Variants in METTL16 observed in about 807,000 individuals in gnomAD.
METTL16 encodes the protein methyltransferase 16, RNA N6-adenosine.
A neutral mutation model predicts 57.9 loss-of-function variants in METTL16; 19 were observed. The ratio of observed to expected loss-of-function variants is 0.33; its 90% confidence interval spans 0.23 to 0.48. The LOEUF (loss-of-function observed/expected upper bound fraction) is 0.48. Among genes scored for constraint, METTL16 ranks in the 20% least tolerant of loss-of-function variants. The probability of loss-of-function intolerance (pLI) is 0.99; values close to 1 mark genes in which losing one functional copy is unlikely to be tolerated. For synonymous variants in METTL16, 246 were observed against 255.6 expected (o/e 0.96, Z 0.36); for missense variants, 434 against 691.5 (o/e 0.63, Z 4.18).
At chr17:2,425,551 AAG>A (rs1186701081) in intron 8 of METTL16, among the ~76,000 whole-genome samples, 1 of 152,234 alleles carries the variant, frequency 6.6e-6, no homozygotes, top group African/African-American at 2.4e-5. Context: ...GATCATCAAT[AAG>A]AGAGGAACTG....
chr17:2,463,268 A>G (rs1455770755), intron 6 of METTL16, among the ~76,000 whole-genome samples: 3 of 152,192 alleles, frequency 2.0e-5, no homozygotes, highest in African/African-American at 7.2e-5. Flanking sequence ...ATCAAAAGCC[A>G]TATTTGAATC....
chr17:2,445,377 G>A (rs1274317832), intron 6 of METTL16, among the ~76,000 whole-genome samples: 2 of 152,076 alleles, frequency 1.3e-5, no homozygotes, highest in East Asian at 3.8e-4. Context: ...ACCTAATGAT[G>A]CATTTCTCAG....
intron 6 of METTL16, among the ~76,000 whole-genome samples, chr17:2,448,250 C>T (rs1281196133): frequency 3.2e-3 from 360 of 114,076 alleles, no homozygotes; most frequent in East Asian, 4.6e-3. Context: ...GTGTGCCCAG[C>T]GGCTCATTGG....
intron 7 of METTL16, among the ~76,000 whole-genome samples, chr17:2,438,717 C>G (rs1283874546): frequency 1.3e-5 from 2 of 152,190 alleles, no homozygotes; most frequent in Non-Finnish European, 2.9e-5. Flanking sequence ...TGGTCTCAAA[C>G]TCCTGACCTC....
intron 4 of METTL16, among the ~76,000 whole-genome samples, chr17:2,472,484 G>A (rs567352829): frequency 6.6e-6 from 1 of 152,254 alleles, no homozygotes; most frequent in South Asian, 2.1e-4. Flanking sequence ...AGAAAAAGCT[G>A]CGCACAGATG....
intron 1 of METTL16, among the ~76,000 whole-genome samples, 192 bp from the exon 2 acceptor site, chr17:2,502,523 T>C (rs1411419600): frequency 6.6e-6 from 1 of 151,892 alleles, no homozygotes; most frequent in Non-Finnish European, 1.5e-5. Flanking sequence ...CTACTAAAAA[T>C]ACAAAAAGTA....
intron 2 of METTL16, among the ~76,000 whole-genome samples, chr17:2,489,276 C>A (rs562296501): frequency 2.0e-5 from 3 of 152,144 alleles, no homozygotes; most frequent in Admixed American, 2.0e-4. Flanking sequence ...AAATGCCATT[C>A]CTATGCTAAC....
At chr17:2,432,488 G>A (rs1162781242) in intron 8 of METTL16, among the ~76,000 whole-genome samples, 4 of 152,054 alleles carry the variant, frequency 2.6e-5, no homozygotes, top group African/African-American at 9.7e-5. Context: ...AGGATCACAC[G>A]AGCCTGGGAG....
intron 2 of METTL16, among the ~76,000 whole-genome samples, chr17:2,478,621 A>C (rs2067283294): frequency 6.6e-6 from 1 of 152,136 alleles, no homozygotes; most frequent in Non-Finnish European, 1.5e-5. Context: ...AAAAAGCAGA[A>C]CTCATGACCA....
At chr17:2,478,030 C>A in intron 2 of METTL16, 145 bp from the exon 3 acceptor site, 1 of 635,086 alleles carries the variant, frequency 1.6e-6, no homozygotes, top group Non-Finnish European at 2.8e-6. Context: ...ATCCCAGTGG[C>A]ACATACACGA....
At chr17:2,493,822 T>C (rs56240151) in intron 2 of METTL16, among the ~76,000 whole-genome samples, 4,077 of 152,026 alleles carry the variant, frequency 0.027, 95 homozygotes, top group African/African-American at 0.067. Context: ...TTCTGGGAGC[T>C]GCCAGGTCAT....
chr17:2,477,898 GAAAAGGAAGT>G lies in METTL16; in HGVS notation c.129-23_129-14del, dbSNP rs2067278699. 1 of 1,608,036 alleles carries G rather than the reference GAAAAGGAAGT, an allele frequency of 6.2e-7. No individual in the cohort carries two copies. On this transcript the variant is annotated splice_polypyrimidine_tract_variant and intron_variant, in intron 2 of 9. Coordinates refer to ENST00000263092, the MANE Select transcript of METTL16 (RefSeq NM_024086.4). ...TTTAAAATTAAGGCTGAGGAATAAAGAAAAGGAAGTAAAACTGATTAGTAAGATTCACTAT... is the reference window on the plus strand; with the variant it reads ...TTTAAAATTAAGGCTGAGGAATAAAGAAAACTGATTAGTAAGATTCACTAT...
intron 1 of METTL16, among the ~76,000 whole-genome samples, chr17:2,505,053 A>G (rs973215309): frequency 6.6e-6 from 1 of 152,228 alleles, no homozygotes; most frequent in Non-Finnish European, 1.5e-5. Flanking sequence ...ACAACAAGAA[A>G]TAAAAGCAAA....
chr17:2,504,092 C>A (rs1421307480), intron 1 of METTL16, among the ~76,000 whole-genome samples: 6 of 152,080 alleles, frequency 3.9e-5, no homozygotes, highest in Non-Finnish European at 7.4e-5. Context: ...CTGAAAACAC[C>A]ATGCTAAGGG....
Position 2,417,085 on chromosome 17 carries a change from TGAGACAG to T in METTL16, c.*2878_*2884del, listed in dbSNP as rs2066724463. On this transcript the variant is annotated 3_prime_UTR_variant, in exon 10 of 10. Coordinates refer to ENST00000263092, the MANE Select transcript of METTL16 (RefSeq NM_024086.4). Reference sequence around the variant, plus strand: ...TTTTTTTTTTTTTTTTTTTTTTTTTTGAGACAGTCCCACTTTGTCGCCCAGGCTGTAG... The same window carrying T: ...TTTTTTTTTTTTTTTTTTTTTTTTTTTCCCACTTTGTCGCCCAGGCTGTAG... 8.0e-5 allele frequency: 11 copies of T among 138,338 alleles called. No homozygotes were observed. The highest frequency in any genetic ancestry group is 4.2e-4 in the East Asian group (2 of 4,708). 8.6% of individuals were successfully genotyped at this position (138,338 alleles called of 1,614,324 possible).
At position 2,480,597 on chromosome 17, in the gene METTL16, AG is replaced by A. The variant is rs560505340; in HGVS notation, c.129-2713del. ...ATAAATGGTTATTCCAGAATTGGAA[AG>A]GGAAGTACAAGATAAACCCGAAGCA... is the stretch of plus-strand genomic sequence containing the variant. On this transcript the variant is annotated intron_variant, in intron 2 of 9. Coordinates refer to ENST00000263092, the MANE Select transcript of METTL16 (RefSeq NM_024086.4). 4.6e-5 allele frequency among the ~76,000 whole-genome samples: 7 copies of A among 152,342 alleles called. No individual in the cohort carries two copies. In the East Asian group the frequency reaches 1.4e-3, roughly 29 times the overall value.
chr17:2,441,768 T>A (rs557104706), intron 6 of METTL16, among the ~76,000 whole-genome samples: 313 of 152,156 alleles, frequency 2.1e-3, no homozygotes, highest in African/African-American at 6.4e-3. Context: ...AAAAAATAAA[T>A]AAATAAATAA....
chr17:2,424,751 A>G lies in METTL16; in HGVS notation c.889-3847T>C, dbSNP rs373000843. 2.0e-5 allele frequency among the ~76,000 whole-genome samples: 3 copies of G among 152,026 alleles called. No individual in the cohort carries two copies. The East Asian group carries it at 5.8e-4, about 29-fold the overall frequency. On this transcript the variant is annotated intron_variant, in intron 8 of 9. Transcript: ENST00000263092. The stretch of plus-strand genomic sequence containing the variant: ...ATCACAAGGTCGGGAGATTGAGACC[A>G]TCCTGGACAATATGGTGAAATCCCA...
intron 2 of METTL16, among the ~76,000 whole-genome samples, chr17:2,479,212 G>A (rs1279591396): frequency 1.3e-5 from 2 of 151,776 alleles, no homozygotes; most frequent in African/African-American, 2.4e-5. Context: ...CTGTCTCCCA[G>A]ACTGGAATGC....
Sources: allele counts gnomAD v4.1 joint callset (sites outside exome capture counted in the v4.1 genomes callset), GRCh38; gene constraint gnomAD v4.1.1; transcripts MANE v1.5; gene names NCBI Gene and HGNC (gene_info 2026-07-23, HGNC 2026-07-21).